Variants in DCDC2 observed in about 807,000 individuals in gnomAD.
The protein encoded by DCDC2 is doublecortin domain containing 2, also known as doublecortin domain-containing protein 2.
Under a neutral mutation model 50.2 loss-of-function variants are expected in DCDC2, and 40 were observed. The ratio of observed to expected loss-of-function variants is 0.80; its 90% CI spans 0.62 to 1.04. DCDC2 has a LOEUF of 1.04. Ranked by LOEUF, DCDC2 falls within the 50% of genes least tolerant of loss-of-function variation. The pLI is 0.00. For missense variants in DCDC2, 570 were observed against 581.9 expected, an observed-to-expected ratio of 0.98 and a Z score of 0.21; for synonymous variants, 234 against 210.6, an observed-to-expected ratio of 1.11 and a Z score of -0.96.
intron 7 of DCDC2, among the ~76,000 whole-genome samples, chr6:24,268,448 T>C (rs944737503): frequency 6.6e-6 from 1 of 151,932 alleles, no homozygotes; most frequent in African/African-American, 2.4e-5. Context: ...GATCAGGCCA[T>C]TGCACTACAG....
chr6:24,191,652 G>C (rs569688770), intron 8 of DCDC2, among the ~76,000 whole-genome samples: 14 of 152,258 alleles, frequency 9.2e-5, no homozygotes, highest in African/African-American at 2.6e-4. Context: ...CCCTATTGCG[G>C]ATTCTAGGAA....
At chr6:24,316,980 T>C (rs1165596023) in intron 2 of DCDC2, among the ~76,000 whole-genome samples, 9 of 149,154 alleles carry the variant, frequency 6.0e-5, no homozygotes, top group East Asian at 2.1e-4. Flanking sequence ...TATGTGTATA[T>C]ACATATATAT....
At chr6:24,361,335 A>G (rs1180833812), upstream of DCDC2, among the ~76,000 whole-genome samples, 2 of 152,052 alleles carry the variant, frequency 1.3e-5, no homozygotes. Flanking sequence ...CAGGCTTAGT[A>G]CCTGGGTGAT....
intron 8 of DCDC2, among the ~76,000 whole-genome samples, chr6:24,203,039 T>C (rs1034719096): frequency 5.3e-5 from 8 of 152,190 alleles, no homozygotes; most frequent in African/African-American, 1.9e-4. Flanking sequence ...AGAATTGATA[T>C]TGTGAAAATG....
intron 7 of DCDC2, among the ~76,000 whole-genome samples, chr6:24,224,187 C>T (rs995910557): frequency 1.3e-5 from 2 of 152,328 alleles, no homozygotes; most frequent in East Asian, 3.9e-4. Context: ...AGTTTATAAA[C>T]ACTTTCATCA....
chr6:24,248,714 T>C (rs73726632), intron 7 of DCDC2, among the ~76,000 whole-genome samples: 1 of 152,130 alleles, frequency 6.6e-6, no homozygotes, highest in Non-Finnish European at 1.5e-5. Context: ...ATTGATGACT[T>C]ACCCAGATGA....
At chr6:24,358,144 A>G (rs141508455), upstream of DCDC2, 13 of 517,804 alleles carry the variant, frequency 2.5e-5, no homozygotes, top group African/African-American at 2.3e-4. Context: ...ACACACACAC[A>G]CACAAATATG....
chr6:24,297,881 T>C (rs777949140), intron 4 of DCDC2, among the ~76,000 whole-genome samples: 1 of 152,164 alleles, frequency 6.6e-6, no homozygotes, highest in African/African-American at 2.4e-5. Flanking sequence ...ATTATAAAGA[T>C]TGAAAATTAG....
At chr6:24,249,317 C>T (rs1762749787) in intron 7 of DCDC2, among the ~76,000 whole-genome samples, 1 of 152,110 alleles carries the variant, frequency 6.6e-6, no homozygotes, top group Non-Finnish European at 1.5e-5. Context: ...GTATTAATTG[C>T]TAAAATTCTA....
chr6:24,232,261 A>G (rs11754526), intron 7 of DCDC2, among the ~76,000 whole-genome samples: 10,028 of 152,296 alleles, frequency 0.066, 604 homozygotes, highest in East Asian at 0.36. Context: ...TATTTTAACT[A>G]TAGCATAATA....
At chr6:24,285,038 C>A (rs543454428) in intron 6 of DCDC2, among the ~76,000 whole-genome samples, 39 of 152,108 alleles carry the variant, frequency 2.6e-4, no homozygotes, top group African/African-American at 7.9e-4. Context: ...ACCCTCCCCC[C>A]CACACACACA....
At chr6:24,249,277 G>A (rs1762748894) in intron 7 of DCDC2, among the ~76,000 whole-genome samples, 1 of 152,092 alleles carries the variant, frequency 6.6e-6, no homozygotes, top group Admixed American at 6.6e-5. Flanking sequence ...CTGTGGAGAT[G>A]GGTTTGACTT....
upstream of DCDC2, chr6:24,358,266 A>C: frequency 4.8e-6 from 1 of 210,372 alleles, no homozygotes; most frequent in Non-Finnish European, 1.0e-5. Flanking sequence ...CTCCCAAATT[A>C]AAGCAATTAA....
intron 7 of DCDC2, among the ~76,000 whole-genome samples, chr6:24,222,470 A>G (rs1254468435): frequency 6.6e-6 from 1 of 152,240 alleles, no homozygotes; most frequent in Admixed American, 6.5e-5. Context: ...CCTTCTGTAA[A>G]AGGCATAATT....
At chr6:24,344,920 G>T (rs1561782451) in intron 2 of DCDC2, among the ~76,000 whole-genome samples, 2 of 152,126 alleles carry the variant, frequency 1.3e-5, no homozygotes, top group Non-Finnish European at 2.9e-5. Flanking sequence ...TGGGGGAAAA[G>T]GTATAAAATA....
At chr6:24,265,852 A>ATCT (rs1763108937) in intron 7 of DCDC2, among the ~76,000 whole-genome samples, 1 of 152,098 alleles carries the variant, frequency 6.6e-6, no homozygotes, top group South Asian at 2.1e-4. Context: ...CTTAACTAGA[A>ATCT]AAGCAAGAGC....
At chr6:24,358,128 GCA>G (rs151251105), upstream of DCDC2, 12,408 of 479,682 alleles carry the variant, frequency 0.026, no homozygotes, top group East Asian at 0.034. Flanking sequence ...AGAGGAGGAC[GCA>G]CACACACACA....
chr6:24,370,703 C>T, the DCDC2 span, among the ~76,000 whole-genome samples: 9 of 151,998 alleles, frequency 5.9e-5, no homozygotes, highest in African/African-American at 2.2e-4. Context: ...AAGAGAGACC[C>T]TGTCTCAAAA....
chr6:24,265,945 TAA>T lies in DCDC2; in HGVS notation c.922+12102_922+12103del, dbSNP rs1227960613. On this transcript the variant is annotated intron_variant, in intron 7 of 9. Transcript: ENST00000378454. ...CAAAAAATACAAAAGATCAATGAAATAAATAGTGGAAAAAAAAATAAAATTGA... is the reference window on the plus strand; with the variant it reads ...CAAAAAATACAAAAGATCAATGAAATATAGTGGAAAAAAAAATAAAATTGA... Among the ~76,000 whole-genome samples, 4 of 104,700 alleles carry T rather than the reference TAA, an allele frequency of 3.8e-5. No homozygotes were observed. In the East Asian group the frequency reaches 9.1e-4, roughly 24 times the overall value. 68.7% of individuals were successfully genotyped at this position (104,700 alleles called of 152,430 possible).
Sources: allele counts gnomAD v4.1 joint callset (sites outside exome capture counted in the v4.1 genomes callset), GRCh38; gene constraint gnomAD v4.1.1; transcripts MANE v1.5; gene names NCBI Gene and HGNC (gene_info 2026-07-23, HGNC 2026-07-21).